PDE3A: variants seen among roughly 807,000 people sequenced by gnomAD.
The protein encoded by PDE3A is cGMP-inhibited 3',5'-cyclic phosphodiesterase 3A.
A neutral mutation model predicts 98.3 loss-of-function variants in PDE3A; 43 were observed. The ratio of observed to expected loss-of-function variants is 0.44; its 90% CI spans 0.34 to 0.56. The LOEUF is 0.56. Ranked by LOEUF, PDE3A falls within the 20% of genes least tolerant of loss-of-function variation. PDE3A has a pLI of 0.01. For synonymous variants in PDE3A, 663 were observed against 567.9 expected (o/e 1.17, Z -2.38); for missense variants, 1,427 against 1,440.7 (o/e 0.99, Z 0.15).
chr12:20,607,127 A>G (rs1174678115), intron 2 of PDE3A, among the ~76,000 whole-genome samples: 5 of 151,944 alleles, frequency 3.3e-5, no homozygotes, highest in African/African-American at 9.7e-5. Context: ...ATAAAAGAGG[A>G]AAAGGAAGTT....
intron 1 of PDE3A, among the ~76,000 whole-genome samples, chr12:20,456,091 G>A (rs1945147072): frequency 6.6e-6 from 1 of 152,088 alleles, no homozygotes; most frequent in South Asian, 2.1e-4. Context: ...AGGACGTCGC[G>A]ACAACCTGTA....
chr12:20,479,512 A>G (rs1945587157), intron 1 of PDE3A, among the ~76,000 whole-genome samples: 1 of 152,244 alleles, frequency 6.6e-6, no homozygotes, highest in African/African-American at 2.4e-5. Flanking sequence ...GTTGAGGGCC[A>G]GAACTGAAGA....
chr12:20,490,971 T>C (rs1025406000), intron 1 of PDE3A, among the ~76,000 whole-genome samples: 4 of 152,126 alleles, frequency 2.6e-5, no homozygotes, highest in Non-Finnish European at 5.9e-5. Context: ...TATGACGGTA[T>C]GTGCCTGTAG....
At chr12:20,491,498 C>T (rs7484990) in intron 1 of PDE3A, among the ~76,000 whole-genome samples, 146,808 of 152,242 alleles carry the variant, frequency 0.96, 70,825 homozygotes, top group East Asian at 1. Flanking sequence ...TAGATTATAA[C>T]GAAGTTAGAG....
intron 2 of PDE3A, among the ~76,000 whole-genome samples, chr12:20,590,512 C>T (rs550297755): frequency 2.6e-5 from 4 of 151,152 alleles, no homozygotes; most frequent in East Asian, 2.0e-4. Context: ...TGGTGGCTCA[C>T]GCTTCTAATC....
intron 1 of PDE3A, among the ~76,000 whole-genome samples, chr12:20,462,555 C>T (rs1421834648): frequency 6.6e-6 from 1 of 151,954 alleles, no homozygotes; most frequent in East Asian, 1.9e-4. Flanking sequence ...AGTAATAGAC[C>T]CCTTTTAATA....
intron 1 of PDE3A, among the ~76,000 whole-genome samples, chr12:20,415,023 T>C (rs1477036119): frequency 7.9e-5 from 12 of 152,064 alleles, no homozygotes; most frequent in Non-Finnish European, 1.5e-4. Context: ...AGCACATTTT[T>C]TTTTTGCTTT....
At chr12:20,449,157 A>G (rs1945016348) in intron 1 of PDE3A, among the ~76,000 whole-genome samples, 1 of 152,228 alleles carries the variant, frequency 6.6e-6, no homozygotes, top group African/African-American at 2.4e-5. Context: ...CTCCAGACCT[A>G]AATGGTGAAA....
At chr12:20,416,791 G>A (rs1301741639) in intron 1 of PDE3A, among the ~76,000 whole-genome samples, 1 of 151,972 alleles carries the variant, frequency 6.6e-6, no homozygotes, top group Non-Finnish European at 1.5e-5. Flanking sequence ...CTTTGCCCAG[G>A]TACCTCACAC....
At chr12:20,439,208 G>A (rs966267479) in intron 1 of PDE3A, among the ~76,000 whole-genome samples, 3 of 152,116 alleles carry the variant, frequency 2.0e-5, no homozygotes, top group African/African-American at 7.2e-5. Flanking sequence ...TTTAAAAAGG[G>A]CTTTTCTTAG....
chr12:20,672,480 G>A (rs530618076), intron 15 of PDE3A, among the ~76,000 whole-genome samples: 1 of 151,666 alleles, frequency 6.6e-6, no homozygotes, highest in African/African-American at 2.4e-5. Flanking sequence ...AAAACAGCAT[G>A]GTACTGGTAC....
At chr12:20,399,490 A>G (rs914636823) in intron 1 of PDE3A, among the ~76,000 whole-genome samples, 1 of 152,208 alleles carries the variant, frequency 6.6e-6, no homozygotes, top group Non-Finnish European at 1.5e-5. Flanking sequence ...AAAGGCATAC[A>G]TGAAACACAT....
At chr12:20,570,438 A>AAAAAAAAAAAG (rs869268302) in intron 2 of PDE3A, among the ~76,000 whole-genome samples, 1 of 138,508 alleles carries the variant, frequency 7.2e-6, no homozygotes, top group African/African-American at 2.6e-5. Flanking sequence ...AAAAAAAAAA[A>AAAAAAAAAAAG]GGTGTAAAGG....
chr12:20,553,556 G>C (rs1480483742), intron 1 of PDE3A, among the ~76,000 whole-genome samples: 1 of 139,956 alleles, frequency 7.1e-6, no homozygotes, highest in African/African-American at 2.7e-5. Context: ...AGGAAAAGAG[G>C]AAACATCTCG....
At chr12:20,379,516 G>A (rs762670134) in intron 1 of PDE3A, among the ~76,000 whole-genome samples, 4 of 151,730 alleles carry the variant, frequency 2.6e-5, no homozygotes, top group African/African-American at 4.8e-5. Flanking sequence ...ATTATAAAAG[G>A]AATCAAATTT....
rs760787571 is a variant in PDE3A, at chr12:20,369,790, G to T, written c.506G>T (p.Gly169Val). 3.1e-5 allele frequency: 50 copies of T among 1,612,440 alleles called. No individual in the cohort carries two copies. The Admixed American group carries it at 7.3e-4, about 24-fold the overall frequency. ...LAVALLAACC[G>V]GEALVQIGLG... ...GTCGCGCTGCTGGCCGCCTGCTGCGGGGGGGAAGCGCTCGTCCAGATTGGG... is the reference window on the plus strand; with the variant it reads ...GTCGCGCTGCTGGCCGCCTGCTGCGTGGGGGAAGCGCTCGTCCAGATTGGG... The change falls in exon 1 of 16, where the codon GGG becomes GTG. Residue 169 changes from glycine to valine, a missense_variant. By Grantham distance (109) the Gly-to-Val change is moderately radical (BLOSUM62 -3). Coordinates refer to ENST00000359062, the MANE Select transcript of PDE3A (RefSeq NM_000921.5).
chr12:20,561,197 G>T (rs1433816705), intron 2 of PDE3A, among the ~76,000 whole-genome samples: 2 of 152,100 alleles, frequency 1.3e-5, no homozygotes, highest in Non-Finnish European at 2.9e-5. Flanking sequence ...GGCAGAGGCT[G>T]CAGTGAGCCA....
chr12:20,569,626 T>C (rs1592066411), intron 2 of PDE3A, among the ~76,000 whole-genome samples: 1 of 152,304 alleles, frequency 6.6e-6, no homozygotes, highest in East Asian at 1.9e-4. Context: ...AATATGTAGC[T>C]AATGTATGAA....
At position 20,681,970 on chromosome 12, in the gene PDE3A, G is replaced by A. The variant is rs1174715087; in HGVS notation, c.*1699G>A. The A allele has an allele frequency of 6.6e-6, 1 of 152,094 alleles. No individual in the cohort carries two copies. The highest frequency in any genetic ancestry group is 2.1e-4 in the South Asian group (1 of 4,826). The allele number at this position is 152,094 out of a possible 1,614,324, so 9.4% of individuals were successfully genotyped here. On this transcript the variant is annotated 3_prime_UTR_variant, in exon 16 of 16. Transcript: ENST00000359062. ...ATTTTAATCACCATTTTTATACATT[G>A]TAGTTCTCTCCAAGCCCAGTAAGAG... is the stretch of plus-strand genomic sequence containing the variant.
Sources: allele counts gnomAD v4.1 joint callset (sites outside exome capture counted in the v4.1 genomes callset), GRCh38; gene constraint gnomAD v4.1.1; transcripts MANE v1.5; gene names NCBI Gene and HGNC (gene_info 2026-07-23, HGNC 2026-07-21).